The following UNC13B variants were observed in gnomAD, a reference collection of about 807,000 sequenced individuals.
UNC13B encodes protein unc-13 homolog B.
In UNC13B, 144 loss-of-function variants were observed where a neutral mutation model predicts 211.0. The observed-to-expected ratio is 0.68, with a 90% CI of 0.60 to 0.78. The LOEUF (loss-of-function observed/expected upper bound fraction) is 0.78, where lower values mean the gene tolerates loss of function less well. Among genes scored for constraint, UNC13B ranks in the 30% least tolerant of loss-of-function variants. The probability of loss-of-function intolerance (pLI) is 0.00; values close to 1 mark genes in which losing one functional copy is unlikely to be tolerated. For missense variants in UNC13B, 1,777 were observed against 2,002.0 expected, an observed-to-expected ratio of 0.89 and a Z score of 2.14; for synonymous variants, 709 against 725.8, an observed-to-expected ratio of 0.98 and a Z score of 0.37.
intron 6 of UNC13B, among the ~76,000 whole-genome samples, chr9:35,248,894 C>G (rs561311016): frequency 6.6e-6 from 1 of 152,242 alleles, no homozygotes; most frequent in African/African-American, 2.4e-5. Context: ...GAGCTGAGTT[C>G]AATTCCTGGA....
At position 35,304,750 on chromosome 9, in the gene UNC13B, G is replaced by T. The variant is rs1829848125; in HGVS notation, c.5346G>T (p.Val1782=). Residue 1782 remains valine, a synonymous_variant, in exon 9 of 40, where the codon GTG becomes GTT. Coordinates refer to ENST00000635942, the MANE Select transcript of UNC13B (RefSeq NM_001371189.2). ...TAGAGGCTTTGGCCATGCAGAAAGT[G>T]AATCAGCAGTCAGATTTAGCAGAGC... The part of the protein sequence containing the change: ...ESLEALAMQK[V]NQQSDLAELT... 1 of 398,762 alleles carries T rather than the reference G, an allele frequency of 2.5e-6. No individual in the cohort carries two copies. The highest frequency in any genetic ancestry group is 1.3e-4 in the South Asian group (1 of 7,838). 24.7% of individuals were successfully genotyped at this position (398,762 alleles called of 1,614,324 possible).
At chr9:35,219,351 A>T (rs542890859) in intron 1 of UNC13B, among the ~76,000 whole-genome samples, 2 of 152,268 alleles carry the variant, frequency 1.3e-5, no homozygotes, top group South Asian at 2.1e-4. Flanking sequence ...TGGCTGGCAG[A>T]TAGCACACCA....
chr9:35,342,895 GAGAGAGAGAGAA>G (rs1454972095), intron 11 of UNC13B, among the ~76,000 whole-genome samples: 1 of 152,026 alleles, frequency 6.6e-6, no homozygotes, highest in African/African-American at 2.4e-5. Flanking sequence ...GTGTATATGT[GAGAGAGAGAGAA>G]AGAGAGAGAG....
intron 1 of UNC13B, among the ~76,000 whole-genome samples, chr9:35,176,463 G>A (rs917679357): frequency 2.0e-5 from 3 of 152,014 alleles, no homozygotes; most frequent in South Asian, 2.1e-4. Flanking sequence ...CATGAGAATC[G>A]CTTGAACCCA....
Position 35,381,164 on chromosome 9 carries a change from G to T in UNC13B, c.10440G>T (p.Lys3480Asn). ...GACTACAAATCAGTGTGGAGATCAA[G>T]GGGGAGGAGAAAGTAGCCCCATACC... Reference protein sequence around the residue: ...AIRLQISVEIKGEEKVAPYHV... With the variant: ...AIRLQISVEINGEEKVAPYHV... Residue 3480 changes from lysine to asparagine, a missense_variant, in exon 19 of 40, where the codon AAG (lysine) becomes AAT (asparagine). Transcript: ENST00000635942. 6.2e-7 allele frequency: 1 copy of T among 1,614,178 alleles called. No individual in the cohort carries two copies. Among genetic ancestry groups the T allele is most frequent in the Non-Finnish European group, 8.5e-7 (1 of 1,180,032 alleles).
chr9:35,286,226 C>CTTTTTTT (rs777657602), intron 7 of UNC13B, among the ~76,000 whole-genome samples: 5 of 117,660 alleles, frequency 4.2e-5, no homozygotes, highest in Non-Finnish European at 5.3e-5. Context: ...AAGCTTGGAA[C>CTTTTTTT]TTTTTTTTTT....
intron 7 of UNC13B, among the ~76,000 whole-genome samples, chr9:35,264,831 A>T (rs1300952527): frequency 6.6e-6 from 1 of 152,136 alleles, no homozygotes; most frequent in Non-Finnish European, 1.5e-5. Context: ...TAGGCTTTGG[A>T]CTTGCTTAGG....
chr9:35,242,760 A>G (rs983820428), intron 5 of UNC13B, among the ~76,000 whole-genome samples: 5 of 152,166 alleles, frequency 3.3e-5, no homozygotes, highest in Non-Finnish European at 5.9e-5. Context: ...GTGTGCACAT[A>G]TCTCTTTGAG....
intron 1 of UNC13B, among the ~76,000 whole-genome samples, chr9:35,164,955 GT>G (rs1467202861): frequency 1.3e-5 from 2 of 152,228 alleles, no homozygotes; most frequent in Non-Finnish European, 2.9e-5. Flanking sequence ...GACAAAGGAA[GT>G]AATTGCACTG....
intron 1 of UNC13B, among the ~76,000 whole-genome samples, chr9:35,206,584 G>C (rs537449882): frequency 3.3e-5 from 5 of 152,102 alleles, no homozygotes; most frequent in African/African-American, 1.2e-4. Flanking sequence ...TAATACCATA[G>C]TGTAGGCCGG....
intron 32 of UNC13B, 59 bp from the exon 33 acceptor site, chr9:35,398,823 C>T (rs796495976): frequency 1.7e-5 from 27 of 1,588,140 alleles, no homozygotes; most frequent in African/African-American, 1.3e-4. Flanking sequence ...TAGCTGGTGC[C>T]GCTCCAGGGA....
At chr9:35,385,282 C>T (rs1157096237) in intron 22 of UNC13B, 1 of 985,320 alleles carries the variant, frequency 1.0e-6, no homozygotes, top group African/African-American at 1.7e-5. Context: ...TTCTATTGTA[C>T]AAAAAGTACA....
At chr9:35,184,359 G>A (rs878863143) in intron 1 of UNC13B, among the ~76,000 whole-genome samples, 1 of 152,214 alleles carries the variant, frequency 6.6e-6, no homozygotes, top group African/African-American at 2.4e-5. Context: ...CAAGGCAGGC[G>A]GCTGGAAGGT....
intron 22 of UNC13B, 64 bp from the exon 23 acceptor site, chr9:35,385,659 AC>A: frequency 2.0e-6 from 3 of 1,516,914 alleles, no homozygotes; most frequent in Non-Finnish European, 2.7e-6. Flanking sequence ...TGATATCATC[AC>A]TTTTGGCAGG....
intron 11 of UNC13B, among the ~76,000 whole-genome samples, chr9:35,360,247 C>T (rs1260101086): frequency 1.3e-5 from 2 of 152,166 alleles, no homozygotes; most frequent in East Asian, 3.8e-4. Context: ...ATTTTTCAGC[C>T]AAGTTCCTAT....
intron 29 of UNC13B, 107 bp downstream of exon 29, chr9:35,397,417 G>C (rs946773212): frequency 1.7e-5 from 26 of 1,513,084 alleles, no homozygotes; most frequent in Non-Finnish European, 9.0e-7. Context: ...GGTAAAGCTC[G>C]TGTGACCCCC....
At chr9:35,237,014 AG>A (rs1825550489) in intron 4 of UNC13B, among the ~76,000 whole-genome samples, 1 of 152,092 alleles carries the variant, frequency 6.6e-6, no homozygotes, top group Admixed American at 6.5e-5. Flanking sequence ...ACTAGTTTTC[AG>A]TGCCCTTCTT....
intron 28 of UNC13B, 99 bp downstream of exon 28, chr9:35,397,036 G>A: frequency 6.3e-7 from 1 of 1,593,572 alleles, no homozygotes; most frequent in African/African-American, 1.3e-5. Flanking sequence ...GGCTATGCCT[G>A]CCCTGTGGAG....
At chr9:35,393,565 ACT>A (rs1232193864) in intron 26 of UNC13B, among the ~76,000 whole-genome samples, 1 of 139,610 alleles carries the variant, frequency 7.2e-6, no homozygotes, top group African/African-American at 2.7e-5. Context: ...AGGCTTTTGG[ACT>A]CTCTCTCTTT....
Sources: gnomAD v4.1 joint callset for allele counts (sites outside exome capture counted in the v4.1 genomes callset) on GRCh38, gnomAD v4.1.1 for gene constraint, MANE v1.5 for transcripts, NCBI Gene and HGNC (gene_info 2026-07-23, HGNC 2026-07-21) for gene names.